Variants in CDH18 observed in about 807,000 individuals in gnomAD.
CDH18 encodes cadherin 18.
Under a neutral mutation model 67.9 loss-of-function variants are expected in CDH18, and 31 were observed. The ratio of observed to expected loss-of-function variants is 0.46; its 90% CI spans 0.34 to 0.62. The LOEUF is 0.62. Ranked by LOEUF, CDH18 falls within the 20% of genes least tolerant of loss-of-function variation. The pLI is 0.01. For synonymous variants in CDH18, 362 were observed against 347.2 expected (o/e 1.04, Z -0.48); for missense variants, 890 against 975.5 (o/e 0.91, Z 1.17).
At chr5:20,260,105 A>G (rs1291393368) in intron 1 of CDH18, among the ~76,000 whole-genome samples, 2 of 151,804 alleles carry the variant, frequency 1.3e-5, no homozygotes, top group Non-Finnish European at 2.9e-5. Context: ...TTTCTCAACC[A>G]AGAGCCATAG....
intron 10 of CDH18, 25 bp from the exon 11 acceptor site, chr5:19,503,134 C>A (rs6867491): frequency 0.11 from 132,290 of 1,162,542 alleles, 8,918 homozygotes; most frequent in South Asian, 0.14. Context: ...AACTCTAAAT[C>A]GTAAATTTAA....
chr5:20,435,737 T>C (rs898622120), intron 1 of CDH18, among the ~76,000 whole-genome samples: 7 of 151,968 alleles, frequency 4.6e-5, no homozygotes, highest in African/African-American at 1.2e-4. Context: ...GGAGTGTAAG[T>C]CCAGAAAAGA....
At chr5:20,411,300 A>G (rs1002678632) in intron 1 of CDH18, among the ~76,000 whole-genome samples, 1 of 152,058 alleles carries the variant, frequency 6.6e-6, no homozygotes, top group Non-Finnish European at 1.5e-5. Context: ...AAATTCCCAC[A>G]CACGGTCAGC....
At chr5:19,922,710 T>C (rs904013393) in intron 2 of CDH18, among the ~76,000 whole-genome samples, 2 of 152,186 alleles carry the variant, frequency 1.3e-5, no homozygotes, top group African/African-American at 4.8e-5. Flanking sequence ...GTTTAAACTC[T>C]CTGTGTTTAA....
intron 3 of CDH18, among the ~76,000 whole-genome samples, chr5:19,755,154 C>A (rs1433953948): frequency 1.3e-5 from 2 of 148,286 alleles, no homozygotes; most frequent in South Asian, 2.1e-4. Context: ...AGGAAATAAC[C>A]AAGATCATAG....
chr5:19,833,892 G>A (rs554500523), intron 3 of CDH18, among the ~76,000 whole-genome samples: 1 of 131,928 alleles, frequency 7.6e-6, no homozygotes, highest in Non-Finnish European at 1.6e-5. Context: ...GGGTGAGTAA[G>A]TTTTTTGATG....
At chr5:20,377,726 T>C (rs934069037) in intron 1 of CDH18, among the ~76,000 whole-genome samples, 3 of 152,150 alleles carry the variant, frequency 2.0e-5, no homozygotes, top group Admixed American at 1.3e-4. Context: ...GTATATAATA[T>C]CACATCCTTT....
At chr5:19,842,093 T>C (rs1322724099) in intron 2 of CDH18, among the ~76,000 whole-genome samples, 3 of 152,206 alleles carry the variant, frequency 2.0e-5, no homozygotes, top group African/African-American at 7.2e-5. Flanking sequence ...AACAAACCAG[T>C]GATTGAGACC....
intron 1 of CDH18, among the ~76,000 whole-genome samples, chr5:20,378,993 G>A (rs1743689330): frequency 6.6e-6 from 1 of 152,102 alleles, no homozygotes; most frequent in African/African-American, 2.4e-5. Context: ...AGTTGGCTGA[G>A]TGGCAACAAT....
At chr5:20,199,110 T>C (rs1473913703) in intron 2 of CDH18, among the ~76,000 whole-genome samples, 2 of 152,174 alleles carry the variant, frequency 1.3e-5, no homozygotes, top group Admixed American at 6.5e-5. Context: ...GAGTTCCCAC[T>C]GGGGCACTAC....
At chr5:20,251,840 A>G (rs1743883114) in intron 2 of CDH18, among the ~76,000 whole-genome samples, 1 of 152,208 alleles carries the variant, frequency 6.6e-6, no homozygotes. Context: ...CTGATTTGAG[A>G]ATATCTAATG....
chr5:19,894,561 C>A (rs1166767141), intron 2 of CDH18, among the ~76,000 whole-genome samples: 1 of 151,810 alleles, frequency 6.6e-6, no homozygotes, highest in Admixed American at 6.6e-5. Flanking sequence ...TACTGAAGTT[C>A]CTGTAACAGC....
At chr5:19,864,044 C>T (rs909905879) in intron 2 of CDH18, among the ~76,000 whole-genome samples, 4 of 151,072 alleles carry the variant, frequency 2.6e-5, no homozygotes, top group Non-Finnish European at 1.5e-5. Context: ...ACCCAAAGGA[C>T]TATAAATCAT....
At chr5:20,296,789 C>G (rs1389764047) in intron 1 of CDH18, among the ~76,000 whole-genome samples, 1 of 151,462 alleles carries the variant, frequency 6.6e-6, no homozygotes, top group African/African-American at 2.4e-5. Context: ...TTCTAGAAAC[C>G]ATTGTGAGTC....
At chr5:20,541,832 A>G (rs1007766826) in intron 1 of CDH18, among the ~76,000 whole-genome samples, 1 of 152,182 alleles carries the variant, frequency 6.6e-6, no homozygotes, top group Non-Finnish European at 1.5e-5. Context: ...GTGAGAGGTA[A>G]TTGTGTGGAG....
At chr5:20,032,494 T>G (rs1739491954) in intron 2 of CDH18, among the ~76,000 whole-genome samples, 1 of 152,058 alleles carries the variant, frequency 6.6e-6, no homozygotes, top group Admixed American at 6.6e-5. Context: ...GGAGAGTTTG[T>G]TATCACAAGG....
At chr5:19,497,484 A>T (rs1032413021) in intron 11 of CDH18, among the ~76,000 whole-genome samples, 1 of 152,214 alleles carries the variant, frequency 6.6e-6, no homozygotes, top group Non-Finnish European at 1.5e-5. Flanking sequence ...ATGATGGAAC[A>T]TTAAAGAAGA....
chr5:19,776,682 C>A (rs2149763963), intron 3 of CDH18, among the ~76,000 whole-genome samples: 1 of 152,284 alleles, frequency 6.6e-6, no homozygotes, highest in African/African-American at 2.4e-5. Flanking sequence ...CCATAGACTT[C>A]TCTTATTCAA....
At chr5:19,599,874 G>A (rs746332728) in intron 6 of CDH18, among the ~76,000 whole-genome samples, 3 of 152,058 alleles carry the variant, frequency 2.0e-5, no homozygotes, top group African/African-American at 4.8e-5. Context: ...GCGACAGAGC[G>A]AGACTGTGTC....
Sources: allele counts gnomAD v4.1 joint callset (sites outside exome capture counted in the v4.1 genomes callset), GRCh38; gene constraint gnomAD v4.1.1; transcripts MANE v1.5; gene names NCBI Gene and HGNC (gene_info 2026-07-23, HGNC 2026-07-21).